Variants in LRP1B observed in about 807,000 individuals in gnomAD.
LRP1B encodes the protein low-density lipoprotein receptor-related protein 1B.
In LRP1B, 217 loss-of-function variants were observed where a neutral mutation model predicts 556.6. That is an observed-to-expected ratio of 0.39 (90% CI 0.35 to 0.44). The LOEUF is 0.44. LRP1B is among the 20% of genes least tolerant of loss of function. LRP1B has a pLI of 1.00. For synonymous variants in LRP1B, 2,047 were observed against 1,865.8 expected (o/e 1.10, Z -2.50); for missense variants, 5,053 against 5,620.8 (o/e 0.90, Z 3.23).
intron 5 of LRP1B, among the ~76,000 whole-genome samples, chr2:141,230,619 C>T (rs994041982): frequency 2.6e-5 from 4 of 152,180 alleles, no homozygotes; most frequent in African/African-American, 9.7e-5. Flanking sequence ...TTTCCTTCAT[C>T]TCCTTACTAC....
At chr2:142,033,309 C>A (rs578103221) in intron 1 of LRP1B, among the ~76,000 whole-genome samples, 1 of 151,636 alleles carries the variant, frequency 6.6e-6, no homozygotes, top group African/African-American at 2.4e-5. Flanking sequence ...TCCTGACTTT[C>A]CCATTCTAGA....
intron 80 of LRP1B, among the ~76,000 whole-genome samples, chr2:140,325,000 C>T (rs1680393754): frequency 6.7e-6 from 1 of 149,364 alleles, no homozygotes; most frequent in Non-Finnish European, 1.5e-5. Flanking sequence ...AAAAGGGAAG[C>T]AAAGCTATAT....
At chr2:141,146,800 C>G (rs1261870794) in intron 7 of LRP1B, among the ~76,000 whole-genome samples, 2 of 152,154 alleles carry the variant, frequency 1.3e-5, no homozygotes, top group East Asian at 3.9e-4. Flanking sequence ...CTATTTTTTA[C>G]TTTAAGAGGA....
In LRP1B at chr2:141,487,363, C is replaced by T. The variant is rs114453439; in HGVS notation, c.206-6830G>A. 6.4e-3 allele frequency among the ~76,000 whole-genome samples: 976 copies of T among 152,244 alleles called. 7 individuals are homozygous for T. The highest frequency in any genetic ancestry group is 0.023 in the African/African-American group (941 of 41,550). ...TGACACGGAATTGGTGCTTGGCATACCATTGTTGAAGGAATACACACTGCA... is the reference window on the plus strand; with the variant it reads ...TGACACGGAATTGGTGCTTGGCATATCATTGTTGAAGGAATACACACTGCA... On this transcript the variant is annotated intron_variant, in intron 2 of 90. Coordinates refer to ENST00000389484, the MANE Select transcript of LRP1B (RefSeq NM_018557.3).
Position 141,523,231 on chromosome 2 carries a change from AT to A in LRP1B, c.206-42699del, listed in dbSNP as rs1187608967. 2.6e-5 allele frequency among the ~76,000 whole-genome samples: 4 copies of A among 152,168 alleles called. 1 individual carries two copies. The highest frequency in any genetic ancestry group is 6.3e-3 in the Middle Eastern group (2 of 316). ...ACACTATTCCAAATGAGATTAGTAC[AT>A]TTTAATATGATCTAGGGACCCAGGA... On this transcript the variant is annotated intron_variant, in intron 2 of 90. Transcript: ENST00000389484.
intron 35 of LRP1B, among the ~76,000 whole-genome samples, chr2:140,725,622 T>A (rs1004227685): frequency 2.0e-5 from 3 of 151,644 alleles, no homozygotes; most frequent in Non-Finnish European, 4.4e-5. Flanking sequence ...CAACATGACA[T>A]ATGTATACAT....
At chr2:140,797,845 A>T (rs185238258) in intron 32 of LRP1B, among the ~76,000 whole-genome samples, 1 of 152,192 alleles carries the variant, frequency 6.6e-6, no homozygotes, top group Non-Finnish European at 1.5e-5. Flanking sequence ...GTGTTTAAAA[A>T]TATGACAAAA....
At chr2:142,103,697 A>G (rs1464603466) in intron 1 of LRP1B, among the ~76,000 whole-genome samples, 1 of 152,094 alleles carries the variant, frequency 6.6e-6, no homozygotes, top group East Asian at 1.9e-4. Flanking sequence ...CTAATCTTGT[A>G]AAAGATGACC....
chr2:140,858,266 GGA>G (rs1453605647), intron 27 of LRP1B, among the ~76,000 whole-genome samples: 1 of 151,922 alleles, frequency 6.6e-6, no homozygotes, highest in African/African-American at 2.4e-5. Flanking sequence ...CCCTGATTTT[GGA>G]GTAGAACTAG....
In LRP1B at chr2:141,181,042, T is replaced by C. The variant is rs566336486; in HGVS notation, c.1013+7379A>G. ...GGCCCCAACTTCATGCTCATGTCTCTCTGTTTTTCATTTGTTAATGGTAAA... is the reference window on the plus strand; with the variant it reads ...GGCCCCAACTTCATGCTCATGTCTCCCTGTTTTTCATTTGTTAATGGTAAA... On this transcript the variant is annotated intron_variant, in intron 7 of 90. Transcript: ENST00000389484. 5.3e-5 allele frequency among the ~76,000 whole-genome samples: 8 copies of C among 152,108 alleles called. No homozygotes were observed. In the East Asian group the frequency reaches 1.2e-3, roughly 22 times the overall value.
At chr2:141,350,246 T>C (rs1336090064) in intron 3 of LRP1B, among the ~76,000 whole-genome samples, 2 of 151,926 alleles carry the variant, frequency 1.3e-5, no homozygotes, top group Non-Finnish European at 2.9e-5. Context: ...AGTAAAGTTG[T>C]TTTGGAATAT....
intron 41 of LRP1B, among the ~76,000 whole-genome samples, chr2:140,610,802 G>A (rs927549884): frequency 6.6e-5 from 10 of 152,158 alleles, no homozygotes; most frequent in Non-Finnish European, 1.2e-4. Context: ...AGCCAGGATG[G>A]TCTCGCTCTC....
chr2:141,650,948 T>C (rs1378699713), intron 2 of LRP1B, among the ~76,000 whole-genome samples: 1 of 152,232 alleles, frequency 6.6e-6, no homozygotes. Flanking sequence ...ATTGCTGTCA[T>C]CATTAGTCTG....
Position 140,298,810 on chromosome 2 carries a change from G to A in LRP1B, c.12806-841C>T, listed in dbSNP as rs552487204. 6.0e-4 allele frequency among the ~76,000 whole-genome samples: 92 copies of A among 152,118 alleles called. 1 individual carries two copies. The highest frequency in any genetic ancestry group is 4.5e-3 in the East Asian group (23 of 5,168). On this transcript the variant is annotated intron_variant, in intron 83 of 90. Coordinates refer to ENST00000389484, the MANE Select transcript of LRP1B (RefSeq NM_018557.3). ...TTTCTCTAACTGCTCAGACTGTCAA[G>A]GCCTGAGTACAAAATGAAATATGGA...
rs573874706 is a variant in LRP1B at position 141,007,367 on chromosome 2, T to C, written c.2381-1910A>G. 2.4e-4 allele frequency among the ~76,000 whole-genome samples: 36 copies of C among 151,966 alleles called. 1 individual carries two copies. In the East Asian group the frequency reaches 7.0e-3, roughly 29 times the overall value. On this transcript the variant is annotated intron_variant, in intron 14 of 90. Coordinates refer to ENST00000389484, the MANE Select transcript of LRP1B (RefSeq NM_018557.3). ...AAAGTATATTATCATTTCATTATCT[T>C]GAAAAATAAATTTAATTCACTATGT...
chr2:141,894,725 C>A (rs1400069255), intron 1 of LRP1B, among the ~76,000 whole-genome samples: 1 of 151,424 alleles, frequency 6.6e-6, no homozygotes, highest in Non-Finnish European at 1.5e-5. Flanking sequence ...CAATCATAAA[C>A]TTTATAACCA....
At position 140,467,301 on chromosome 2, in the gene LRP1B, A is replaced by T. The variant is rs140790794; in HGVS notation, c.9625+7837T>A. On this transcript the variant is annotated intron_variant, in intron 60 of 90. Transcript: ENST00000389484. ...CCCAAAATTCATATGTTGACACCTA[A>T]TATCTCATATAACAGTATTAGGCCT... Among the ~76,000 whole-genome samples the T allele has an allele frequency of 2.0e-3, 301 of 152,164 alleles. 2 individuals are homozygous for T. The highest frequency in any genetic ancestry group is 4.1e-3 in the Admixed American group (62 of 15,274).
At chr2:140,460,238 C>T (rs2105327779) in intron 60 of LRP1B, among the ~76,000 whole-genome samples, 1 of 152,246 alleles carries the variant, frequency 6.6e-6, no homozygotes, top group East Asian at 1.9e-4. Flanking sequence ...TGGGATGACA[C>T]CGGATGCCAG....
At chr2:142,063,589 A>T (rs183856742) in intron 1 of LRP1B, among the ~76,000 whole-genome samples, 127 of 151,842 alleles carry the variant, frequency 8.4e-4, no homozygotes, top group African/African-American at 3.0e-3. Flanking sequence ...TCCACAAATT[A>T]TTATGAACTA....
Sources: allele counts gnomAD v4.1 joint callset (sites outside exome capture counted in the v4.1 genomes callset), GRCh38; gene constraint gnomAD v4.1.1; transcripts MANE v1.5; gene names NCBI Gene and HGNC (gene_info 2026-07-23, HGNC 2026-07-21).